The following SNX31 variants were observed in gnomAD, a reference collection of about 807,000 sequenced individuals.
SNX31 encodes the protein sorting nexin-31.
A neutral mutation model predicts 65.4 loss-of-function variants in SNX31; 58 were observed. The observed-to-expected ratio is 0.89, with a 90% confidence interval of 0.72 to 1.10. SNX31 has a LOEUF of 1.10. SNX31 is among the 50% of genes least tolerant of loss of function. The probability of loss-of-function intolerance (pLI) is 0.00; values close to 1 mark genes in which losing one functional copy is unlikely to be tolerated. For missense variants in SNX31, 523 were observed against 529.7 expected (o/e 0.99, Z 0.12); for synonymous variants, 181 against 190.1 (o/e 0.95, Z 0.39).
At chr8:100,582,759 T>C (rs957630765) in intron 12 of SNX31, among the ~76,000 whole-genome samples, 4 of 151,664 alleles carry the variant, frequency 2.6e-5, no homozygotes, top group African/African-American at 9.7e-5. Flanking sequence ...GGGCGGATCA[T>C]GAGGTCAGGA....
At chr8:100,663,244 C>T (rs1360168208) in exon 1 of SNX31, 2 of 152,180 alleles carry the variant, frequency 1.3e-5, no homozygotes, top group African/African-American at 2.4e-5. Flanking sequence ...CAGATACCCC[C>T]CCCAATCCAA....
intron 12 of SNX31, chr8:100,582,400 T>C (rs565697725): frequency 1.3e-5 from 2 of 152,322 alleles, no homozygotes; most frequent in Admixed American, 1.3e-4. Context: ...AGAGGGTCCA[T>C]CCTGCCTGAG....
At chr8:100,654,313 G>T (rs142545860), upstream of SNX31, among the ~76,000 whole-genome samples, 47 of 152,076 alleles carry the variant, frequency 3.1e-4, no homozygotes, top group East Asian at 8.5e-3. Context: ...CCTGGTCTTT[G>T]GTGTGATTGT....
At chr8:100,652,361 G>A (rs1276760411), upstream of SNX31, among the ~76,000 whole-genome samples, 2 of 152,072 alleles carry the variant, frequency 1.3e-5, no homozygotes, top group East Asian at 1.9e-4. Context: ...GTTTCCAAGG[G>A]GTATTTTAAT....
chr8:100,593,600 C>T (rs888376610), intron 10 of SNX31, among the ~76,000 whole-genome samples: 11 of 152,066 alleles, frequency 7.2e-5, no homozygotes, highest in East Asian at 5.8e-4. Context: ...ATTACAGATG[C>T]GCCCCACCAC....
At chr8:100,605,261 C>A (rs767123371) in intron 8 of SNX31, among the ~76,000 whole-genome samples, 1 of 152,062 alleles carries the variant, frequency 6.6e-6, no homozygotes, top group Non-Finnish European at 1.5e-5. Context: ...CAGTCTCTGC[C>A]CTTGGCCATT....
chr8:100,631,788 G>A (rs1308440439), intron 3 of SNX31, among the ~76,000 whole-genome samples: 2 of 152,174 alleles, frequency 1.3e-5, no homozygotes, highest in East Asian at 3.8e-4. Flanking sequence ...TCCCGGAGTG[G>A]AGGAGGGGAA....
At chr8:100,628,470 C>T (rs1258218022) in intron 4 of SNX31, among the ~76,000 whole-genome samples, 1 of 151,936 alleles carries the variant, frequency 6.6e-6, no homozygotes, top group Admixed American at 6.6e-5. Flanking sequence ...AACCATCATT[C>T]TCAGCAAACT....
chr8:100,614,968 A>C lies in SNX31; in HGVS notation c.433-1883T>G, dbSNP rs1817043359. On this transcript the variant is annotated intron_variant, in intron 5 of 13. Coordinates refer to ENST00000311812, the MANE Select transcript of SNX31 (RefSeq NM_152628.4). The surrounding 1 kb of genome is among the most constrained non-coding windows in gnomAD (Gnocchi z 5.1). ...GGGGAAGCAAAGTGAGAATGGCAGC[A>C]AGTGTGCTGGAGAAGATGCAGAAGG... Among the ~76,000 whole-genome samples, 1 of 152,226 alleles carries C rather than the reference A, an allele frequency of 6.6e-6. No individual in the cohort carries two copies. Among genetic ancestry groups the C allele is most frequent in the Non-Finnish European group, 1.5e-5 (1 of 68,036 alleles).
chr8:100,596,373 C>T (rs1022719623), intron 10 of SNX31, among the ~76,000 whole-genome samples: 1 of 152,098 alleles, frequency 6.6e-6, no homozygotes, highest in African/African-American at 2.4e-5. Context: ...TTGCCATCTG[C>T]TGTTATTACT....
chr8:100,618,700 A>C, intron 4 of SNX31: 1 of 318,280 alleles, frequency 3.1e-6, no homozygotes, highest in Non-Finnish European at 5.8e-6. Flanking sequence ...TGTACTTACT[A>C]TTACTGGCTT....
chr8:100,591,583 C>T (rs1814597153), intron 10 of SNX31, among the ~76,000 whole-genome samples: 1 of 152,026 alleles, frequency 6.6e-6, no homozygotes. Context: ...CCTGTAATCC[C>T]AGCACTTTGG....
chr8:100,610,042 G>C lies in SNX31; in HGVS notation c.612-1479C>G, dbSNP rs560040372. ...GCGGCAAGACTTCCCTCTGGAAAGA[G>C]GGCAAGGCACCTGCAGGAGCCTATG... On this transcript the variant is annotated intron_variant, in intron 7 of 13. Transcript: ENST00000311812. This position sits in a 1 kb window ranked among gnomAD's most constrained non-coding sequence, Gnocchi z 4.0. Among the ~76,000 whole-genome samples the C allele has an allele frequency of 2.0e-5, 3 of 152,300 alleles. No homozygotes were observed. The highest frequency in any genetic ancestry group is 2.9e-5 in the Non-Finnish European group (2 of 68,020).
chr8:100,588,424 T>C lies in SNX31; in HGVS notation c.1092+442A>G, dbSNP rs1281100250. ...AAATCTGTATTGCCTAAGTCAGGGG[T>C]TGGCAAACAAGGCCAGACCACCATC... On this transcript the variant is annotated intron_variant, in intron 11 of 13. Coordinates refer to ENST00000311812, the MANE Select transcript of SNX31 (RefSeq NM_152628.4). This position sits in a 1 kb window ranked among gnomAD's most constrained non-coding sequence, Gnocchi z 4.8. Among the ~76,000 whole-genome samples, 1 of 152,208 alleles carries C rather than the reference T, an allele frequency of 6.6e-6. No individual in the cohort carries two copies. Among genetic ancestry groups the C allele is most frequent in the Non-Finnish European group, 1.5e-5 (1 of 68,034 alleles).
At chr8:100,651,399 G>A (rs1162267258), upstream of SNX31, among the ~76,000 whole-genome samples, 1 of 152,178 alleles carries the variant, frequency 6.6e-6, no homozygotes, top group African/African-American at 2.4e-5. Flanking sequence ...ACCCAGAAGT[G>A]GCCCCAGCTT....
Position 100,622,988 on chromosome 8 carries a change from C to A in SNX31, c.322-5258G>T, listed in dbSNP as rs1817807126. 6.6e-6 allele frequency among the ~76,000 whole-genome samples: 1 copy of A among 152,216 alleles called. No homozygotes were observed. Among genetic ancestry groups the A allele is most frequent in the African/African-American group, 2.4e-5 (1 of 41,452 alleles). On this transcript the variant is annotated intron_variant, in intron 4 of 13. Coordinates refer to ENST00000311812, the MANE Select transcript of SNX31 (RefSeq NM_152628.4). This position sits in a 1 kb window ranked among gnomAD's most constrained non-coding sequence, Gnocchi z 5.0. ...GCTGCACTCACCTTCCTTCCACCTT[C>A]TATCACACCCTACTGGTTTGTATTT...
chr8:100,639,523 T>C (rs1407474157), intron 2 of SNX31, among the ~76,000 whole-genome samples: 1 of 151,538 alleles, frequency 6.6e-6, no homozygotes, highest in Non-Finnish European at 1.5e-5. Flanking sequence ...TTCCAACTGT[T>C]GTAGTGGCAG....
At chr8:100,593,542 C>T (rs1423833997) in intron 10 of SNX31, among the ~76,000 whole-genome samples, 3 of 152,218 alleles carry the variant, frequency 2.0e-5, no homozygotes, top group East Asian at 3.9e-4. Context: ...CAACCTCCCC[C>T]TCCCAGACTC....
intron 2 of SNX31, among the ~76,000 whole-genome samples, chr8:100,641,589 T>TATAC (rs1261040070): frequency 3.3e-3 from 73 of 22,242 alleles, no homozygotes; most frequent in Non-Finnish European, 4.0e-3. Flanking sequence ...TATATATATA[T>TATAC]ATATATACAC....
Sources: gnomAD v4.1 joint callset for allele counts (sites outside exome capture counted in the v4.1 genomes callset) on GRCh38, gnomAD v4.1.1 for gene constraint, Gnocchi (gnomAD v3.1) non-coding constraint, MANE v1.5 for transcripts, NCBI Gene and HGNC (gene_info 2026-07-23, HGNC 2026-07-21) for gene names.